Variants in MET observed in about 807,000 individuals in gnomAD.
MET encodes the protein MET proto-oncogene, receptor tyrosine kinase, also known as hepatocyte growth factor receptor.
Under a neutral mutation model 133.1 loss-of-function variants are expected in MET, and 48 were observed. The ratio of observed to expected loss-of-function variants is 0.36; its 90% CI spans 0.29 to 0.46. The LOEUF (loss-of-function observed/expected upper bound fraction) is 0.46. Among genes scored for constraint, MET ranks in the 20% least tolerant of loss-of-function variants. MET has a pLI of 1.00. For synonymous variants in MET, 628 were observed against 616.5 expected (o/e 1.02, Z -0.28); for missense variants, 1,442 against 1,695.9 (o/e 0.85, Z 2.63).
At chr7:116,791,989 C>T (rs1224642756) in intron 19 of MET, among the ~76,000 whole-genome samples, 2 of 152,132 alleles carry the variant, frequency 1.3e-5, no homozygotes, top group Admixed American at 6.5e-5. Flanking sequence ...TGTGGATTAC[C>T]TTTTCATTTA....
chr7:116,729,488 T>G (rs1792913103), intron 2 of MET, among the ~76,000 whole-genome samples: 1 of 152,240 alleles, frequency 6.6e-6, no homozygotes, highest in Non-Finnish European at 1.5e-5. Flanking sequence ...AAACTTTTAT[T>G]TGTTTGTTCT....
At chr7:116,730,370 TA>T (rs929304849) in intron 2 of MET, among the ~76,000 whole-genome samples, 1 of 152,108 alleles carries the variant, frequency 6.6e-6, no homozygotes, top group South Asian at 2.1e-4. Flanking sequence ...CAGTCCATGT[TA>T]AAAAAATGTT....
intron 19 of MET, among the ~76,000 whole-genome samples, chr7:116,791,954 G>A (rs1235451226): frequency 2.6e-5 from 4 of 152,086 alleles, no homozygotes; most frequent in Non-Finnish European, 5.9e-5. Flanking sequence ...GGTGACACTT[G>A]GCCCACAAAT....
intron 2 of MET, among the ~76,000 whole-genome samples, chr7:116,702,264 A>C (rs941865663): frequency 1.3e-5 from 2 of 152,176 alleles, no homozygotes; most frequent in African/African-American, 4.8e-5. Context: ...CTTCTTACAA[A>C]GGAAGCCAAC....
chr7:116,673,444 G>A (rs1346563051), intron 1 of MET, among the ~76,000 whole-genome samples: 1 of 152,160 alleles, frequency 6.6e-6, no homozygotes, highest in East Asian at 1.9e-4. Context: ...TACTTTAATT[G>A]CTATGTTAAG....
intron 3 of MET, among the ~76,000 whole-genome samples, chr7:116,733,126 C>T (rs867569589): frequency 1.3e-5 from 2 of 152,052 alleles, no homozygotes; most frequent in African/African-American, 4.8e-5. Context: ...AGGGAAGCCC[C>T]GCCCCTCCCA....
At position 116,699,503 on chromosome 7, in the gene MET, C is replaced by A. The variant is rs1471771231; in HGVS notation, c.419C>A (p.Thr140Asn). Residue 140 changes from threonine (T) to asparagine (N), a missense_variant, in exon 2 of 21, where the codon ACC (threonine) becomes AAC (asparagine). By Grantham distance (65) the Thr-to-Asn change is moderately conservative (BLOSUM62 0). Coordinates refer to ENST00000397752, the MANE Select transcript of MET (RefSeq NM_000245.4). The part of the protein sequence containing the change: ...LISCGSVNRG[T>N]CQRHVFPHNH... ...AGCTGTGGCAGCGTCAACAGAGGGA[C>A]CTGCCAGCGACATGTCTTTCCCCAC... is the stretch of plus-strand genomic sequence containing the variant. 9 of 1,613,998 alleles carry A rather than the reference C, an allele frequency of 5.6e-6. No individual in the cohort carries two copies. The highest frequency in any genetic ancestry group is 1.1e-5 in the South Asian group (1 of 91,080).
At chr7:116,756,321 T>C (rs1794176897) in intron 6 of MET, among the ~76,000 whole-genome samples, 1 of 152,242 alleles carries the variant, frequency 6.6e-6, no homozygotes, top group African/African-American at 2.4e-5. Flanking sequence ...ATATTTAAAG[T>C]TTTATGGTTG....
Position 116,699,284 on chromosome 7 carries a change from C to T in MET, c.200C>T (p.Thr67Ile), listed in dbSNP as rs200023903. 6.2e-7 allele frequency: 1 copy of T among 1,614,028 alleles called. No homozygotes were observed. Among genetic ancestry groups the T allele is most frequent in the South Asian group, 1.1e-5 (1 of 91,086 alleles). Reference protein sequence around the residue: ...LHEHHIFLGATNYIYVLNEED... With the variant: ...LHEHHIFLGAINYIYVLNEED... ...GAGCATCACATTTTCCTTGGTGCCA[C>T]TAACTACATTTATGTTTTAAATGAG... The change falls in exon 2 of 21, where the codon ACT becomes ATT. Residue 67 changes from threonine (T) to isoleucine (I), a missense_variant. Coordinates refer to ENST00000397752, the MANE Select transcript of MET (RefSeq NM_000245.4).
chr7:116,725,446 T>G (rs1053744046), intron 2 of MET, among the ~76,000 whole-genome samples: 1 of 145,886 alleles, frequency 6.9e-6, no homozygotes, highest in African/African-American at 2.5e-5. Context: ...GTTTTAAAAT[T>G]TATTTTTCTT....
intron 3 of MET, among the ~76,000 whole-genome samples, chr7:116,734,569 A>G (rs1451662563): frequency 6.6e-6 from 1 of 152,264 alleles, no homozygotes; most frequent in African/African-American, 2.4e-5. Context: ...GTACAGGTGC[A>G]GCTATATCTG....
rs1050084807 is a variant in MET at position 116,736,388 on chromosome 7, A to G, written c.1393-3562A>G. ...AAAAATTAAAACCGTTCAATTGTCC[A>G]CTTTAAAAACAATGGGGGAGGTATA... On this transcript the variant is annotated intron_variant, in intron 3 of 20. Transcript: ENST00000397752. Among the ~76,000 whole-genome samples the G allele has an allele frequency of 5.3e-5, 8 of 152,200 alleles. No individual in the cohort carries two copies. The South Asian group carries it at 6.2e-4, about 12-fold the overall frequency.
chr7:116,703,005 G>A (rs558989509), intron 2 of MET, among the ~76,000 whole-genome samples: 1 of 152,232 alleles, frequency 6.6e-6, no homozygotes, highest in Non-Finnish European at 1.5e-5. Context: ...ATATGTCTAT[G>A]CAAACTCTTC....
chr7:116,751,603 T>A (rs1339494768), intron 5 of MET, among the ~76,000 whole-genome samples: 1 of 152,204 alleles, frequency 6.6e-6, no homozygotes, highest in East Asian at 1.9e-4. Flanking sequence ...TAAAATTCTT[T>A]ACAGTTCTAG....
At chr7:116,713,951 G>A (rs1792099686) in intron 2 of MET, among the ~76,000 whole-genome samples, 1 of 152,188 alleles carries the variant, frequency 6.6e-6, no homozygotes, top group Non-Finnish European at 1.5e-5. Context: ...AGGGTAATTG[G>A]TGTTGTGTCT....
intron 1 of MET, among the ~76,000 whole-genome samples, 181 bp downstream of exon 1, chr7:116,672,758 G>A (rs1031646843): frequency 6.6e-6 from 1 of 152,106 alleles, no homozygotes; most frequent in African/African-American, 2.4e-5. Context: ...ACTAGAATGG[G>A]GCTTGTCTTT....
At chr7:116,789,289 C>T (rs1246257547) in intron 19 of MET, among the ~76,000 whole-genome samples, 2 of 152,188 alleles carry the variant, frequency 1.3e-5, no homozygotes, top group Non-Finnish European at 2.9e-5. Flanking sequence ...CAATAACCAC[C>T]TTTGATTCTC....
In MET at chr7:116,758,572, G is replaced by T. The variant is rs45553236; in HGVS notation, c.2216G>T (p.Arg739Leu). 3 of 1,613,626 alleles carry T rather than the reference G, an allele frequency of 1.9e-6. No homozygotes were observed. Among genetic ancestry groups the T allele is most frequent in the Non-Finnish European group, 2.5e-6 (3 of 1,179,788 alleles). Residue 739 changes from arginine to leucine, a missense_variant, in exon 9 of 21, where the codon CGT becomes CTT. This residue lies in a region of MET where 514 missense variants were observed against 659.6 expected (regional missense o/e 0.78). Coordinates refer to ENST00000397752, the MANE Select transcript of MET (RefSeq NM_000245.4). ...CGAGAGACAAGCATCTTCAGTTACC[G>T]TGAAGATCCCATTGTCTATGAAATT... ...ANRETSIFSYREDPIVYEIHP... is the reference protein window; with the variant it reads ...ANRETSIFSYLEDPIVYEIHP...
chr7:116,789,959 T>C (rs1396299962), intron 19 of MET, among the ~76,000 whole-genome samples: 1 of 152,152 alleles, frequency 6.6e-6, no homozygotes, highest in African/African-American at 2.4e-5. Flanking sequence ...CTGATGCTCC[T>C]CCCCTCCCTC....
Sources: gnomAD v4.1 joint callset for allele counts (sites outside exome capture counted in the v4.1 genomes callset) on GRCh38, gnomAD v4.1.1 for gene constraint, gnomAD v4.1.1 regional missense constraint, MANE v1.5 for transcripts, NCBI Gene and HGNC (gene_info 2026-07-23, HGNC 2026-07-21) for gene names.